VIT: variants seen among roughly 807,000 people sequenced by gnomAD.
VIT encodes vitrin.
Under a neutral mutation model 78.0 loss-of-function variants are expected in VIT, and 99 were observed. The ratio of observed to expected loss-of-function variants is 1.27; its 90% CI spans 1.08 to 1.50. The LOEUF is 1.50. VIT is among the 40% of genes most tolerant of loss of function. The probability of loss-of-function intolerance (pLI) is 0.00; values close to 1 mark genes in which losing one functional copy is unlikely to be tolerated. For missense variants in VIT, 1,126 were observed against 875.3 expected, an observed-to-expected ratio of 1.29 and a Z score of -3.61; for synonymous variants, 374 against 334.3, an observed-to-expected ratio of 1.12 and a Z score of -1.29.
chr2:36,759,632 G>C (rs961385289), intron 6 of VIT: 10 of 991,050 alleles, frequency 1.0e-5, no homozygotes, highest in Non-Finnish European at 1.1e-5. Context: ...TATCTCCAGA[G>C]GTGTTTTGAT....
intron 3 of VIT, among the ~76,000 whole-genome samples, chr2:36,734,825 C>A (rs1667413730): frequency 6.6e-6 from 1 of 152,088 alleles, no homozygotes; most frequent in Non-Finnish European, 1.5e-5. Flanking sequence ...TTACTTAGCA[C>A]CACTGGTGGG....
chr2:36,716,383 G>A lies in VIT; in HGVS notation c.13G>A (p.Val5Ile), dbSNP rs148935502. The A allele has an allele frequency of 6.2e-7, 1 of 1,613,900 alleles. No homozygotes were observed. Among genetic ancestry groups the A allele is most frequent in the African/African-American group, 1.3e-5 (1 of 75,046 alleles). MRTV[V>I]LTMKASVIEM... ...CATTCTGATATTTATGAGGACTGTT[G>A]TTCTCACTATGAAGGCATCTGTTAT... Residue 5 changes from valine to isoleucine, a missense_variant, in exon 2 of 16, where the codon GTT becomes ATT. Val to Ile is a conservative substitution (Grantham distance 29). Coordinates refer to ENST00000379242, the MANE Select transcript of VIT (RefSeq NM_053276.4).
chr2:36,735,935 T>C (rs770780851), intron 3 of VIT, among the ~76,000 whole-genome samples: 7 of 152,156 alleles, frequency 4.6e-5, no homozygotes, highest in Non-Finnish European at 7.3e-5. Context: ...CTTCTTAGAA[T>C]AGTAAGAGGG....
intron 2 of VIT, among the ~76,000 whole-genome samples, chr2:36,721,053 T>C (rs895027823): frequency 2.0e-5 from 3 of 151,676 alleles, no homozygotes; most frequent in African/African-American, 7.3e-5. Context: ...AAGATGAATA[T>C]GTTCTGGTGA....
chr2:36,760,443 G>A (rs1669045405), intron 6 of VIT, among the ~76,000 whole-genome samples: 1 of 152,144 alleles, frequency 6.6e-6, no homozygotes, highest in African/African-American at 2.4e-5. Flanking sequence ...TGGATCCAGT[G>A]GTCTAGTCCT....
intron 1 of VIT, among the ~76,000 whole-genome samples, chr2:36,698,428 G>A (rs1664805698): frequency 6.6e-6 from 1 of 152,220 alleles, no homozygotes; most frequent in Non-Finnish European, 1.5e-5. Context: ...CAGGAAAGCA[G>A]TATGGTTCAA....
intron 15 of VIT, 133 bp from the exon 16 acceptor site, chr2:36,814,050 T>G: frequency 1.9e-6 from 2 of 1,035,744 alleles, no homozygotes; most frequent in Non-Finnish European, 2.7e-6. Flanking sequence ...TGTAGCGTAT[T>G]TTTGGTTTTG....
chr2:36,770,346 T>A (rs1199244675), intron 7 of VIT, among the ~76,000 whole-genome samples: 2 of 152,206 alleles, frequency 1.3e-5, no homozygotes, highest in Non-Finnish European at 2.9e-5. Context: ...AAGATCTGCC[T>A]CTGATACAAC....
At chr2:36,717,756 A>G (rs1299062298) in intron 2 of VIT, among the ~76,000 whole-genome samples, 1 of 152,164 alleles carries the variant, frequency 6.6e-6, no homozygotes, top group Non-Finnish European at 1.5e-5. Context: ...AGGAGCACAG[A>G]AGCCTTTCAG....
chr2:36,703,839 G>T (rs1035773855), intron 1 of VIT, among the ~76,000 whole-genome samples: 1 of 151,964 alleles, frequency 6.6e-6, no homozygotes. Context: ...TGAGGTTTGG[G>T]ATAGAATTCT....
intron 9 of VIT, among the ~76,000 whole-genome samples, chr2:36,776,948 G>T (rs901998652): frequency 4.7e-5 from 7 of 149,856 alleles, no homozygotes; most frequent in African/African-American, 1.7e-4. Context: ...AATTAGCCAG[G>T]CGTGGTGGCG....
intron 1 of VIT, among the ~76,000 whole-genome samples, chr2:36,700,994 C>G (rs564233527): frequency 1.5e-4 from 23 of 149,460 alleles, no homozygotes; most frequent in African/African-American, 5.4e-4. Flanking sequence ...CAAAGTCATA[C>G]TCTTAACCTG....
intron 3 of VIT, among the ~76,000 whole-genome samples, chr2:36,732,231 C>A (rs1667255088): frequency 6.6e-6 from 1 of 152,210 alleles, no homozygotes; most frequent in East Asian, 1.9e-4. Context: ...TTTGCAGTGA[C>A]TATGAAAGTC....
At chr2:36,719,735 T>C (rs776418459) in intron 2 of VIT, among the ~76,000 whole-genome samples, 4 of 152,128 alleles carry the variant, frequency 2.6e-5, no homozygotes, top group Non-Finnish European at 5.9e-5. Flanking sequence ...GCCCAGGAGT[T>C]TGAGACCAGC....
chr2:36,737,557 A>C (rs988634465), intron 3 of VIT, among the ~76,000 whole-genome samples: 2 of 152,234 alleles, frequency 1.3e-5, no homozygotes, highest in African/African-American at 4.8e-5. Context: ...TGTAGTTCAC[A>C]TAGTTCTCTC....
In VIT at chr2:36,765,273, C is replaced by T. The variant is rs548212369; in HGVS notation, c.488-1821C>T. Reference sequence around the variant, plus strand: ...GTTGTATTAGTTCGTTCTCACACTGCTATAAAGACACTACCCAAGACTGGG... The same window carrying T: ...GTTGTATTAGTTCGTTCTCACACTGTTATAAAGACACTACCCAAGACTGGG... On this transcript the variant is annotated intron_variant, in intron 6 of 15. Coordinates refer to ENST00000379242, the MANE Select transcript of VIT (RefSeq NM_053276.4). 5.9e-5 allele frequency among the ~76,000 whole-genome samples: 9 copies of T among 152,236 alleles called. No homozygotes were observed. In the South Asian group the frequency reaches 1.7e-3, roughly 28 times the overall value.
At chr2:36,774,514 T>G in intron 8 of VIT, 1 of 985,368 alleles carries the variant, frequency 1.0e-6, no homozygotes, top group Non-Finnish European at 1.2e-6. Flanking sequence ...CACAGGACAC[T>G]AGGATCAGAA....
chr2:36,724,655 T>C (rs1211055510), intron 2 of VIT, among the ~76,000 whole-genome samples: 6 of 152,216 alleles, frequency 3.9e-5, no homozygotes, highest in African/African-American at 1.4e-4. Flanking sequence ...GGAGGGCCTA[T>C]TTGTGCCATC....
In VIT at chr2:36,814,753, G is replaced by A. The variant is rs775781593; in HGVS notation, c.*392G>A. On this transcript the variant is annotated 3_prime_UTR_variant, in exon 16 of 16. Transcript: ENST00000379242. Reference sequence around the variant, plus strand: ...CAAGTTTCATTTTTGTCATGACAATGTAGGAATTGCTGAATTAAATGTTTA... The same window carrying A: ...CAAGTTTCATTTTTGTCATGACAATATAGGAATTGCTGAATTAAATGTTTA... The A allele has an allele frequency of 1.2e-4, 20 of 162,266 alleles. No homozygotes were observed. Among genetic ancestry groups the A allele is most frequent in the Non-Finnish European group, 1.7e-4 (13 of 74,840 alleles). The allele number at this position is 162,266 out of a possible 1,614,324, so 10.1% of individuals were successfully genotyped here.
Sources: gnomAD v4.1 joint callset for allele counts (sites outside exome capture counted in the v4.1 genomes callset) on GRCh38, gnomAD v4.1.1 for gene constraint, MANE v1.5 for transcripts, NCBI Gene and HGNC (gene_info 2026-07-23, HGNC 2026-07-21) for gene names.